EPHB1: variants seen among roughly 807,000 people sequenced by gnomAD.
The protein encoded by EPHB1 is ephrin type-B receptor 1.
In EPHB1, 30 loss-of-function variants were observed where a neutral mutation model predicts 94.4. That is an observed-to-expected ratio of 0.32 (90% CI 0.24 to 0.43). The LOEUF (loss-of-function observed/expected upper bound fraction) is 0.43, where lower values mean the gene tolerates loss of function less well. EPHB1 is among the 20% of genes least tolerant of loss of function. The pLI, the probability that EPHB1 is intolerant of heterozygous loss-of-function variation, is 1.00. For missense variants in EPHB1, 1,055 were observed against 1,308.3 expected (o/e 0.81, Z 2.99); for synonymous variants, 522 against 489.1 (o/e 1.07, Z -0.89).
intron 1 of EPHB1, among the ~76,000 whole-genome samples, chr3:134,916,215 T>C (rs899309631): frequency 6.6e-6 from 1 of 152,178 alleles, no homozygotes; most frequent in African/African-American, 2.4e-5. Context: ...AGAGTGCTGA[T>C]TGGTGTATTT....
intron 4 of EPHB1, among the ~76,000 whole-genome samples, chr3:135,128,397 C>T (rs1461730804): frequency 6.6e-6 from 1 of 152,176 alleles, no homozygotes; most frequent in African/African-American, 2.4e-5. Context: ...ATGCAGACGC[C>T]AAATCTACCC....
intron 3 of EPHB1, among the ~76,000 whole-genome samples, chr3:135,061,690 G>C (rs1001654399): frequency 6.6e-6 from 1 of 151,814 alleles, no homozygotes; most frequent in Non-Finnish European, 1.5e-5. Flanking sequence ...TGGGTGTGCT[G>C]CACCCATTAA....
chr3:135,252,924 G>A (rs1933191123), intron 15 of EPHB1, among the ~76,000 whole-genome samples: 1 of 149,714 alleles, frequency 6.7e-6, no homozygotes, highest in Non-Finnish European at 1.5e-5. Context: ...GGTGTGAGAT[G>A]GTATGTCATT....
chr3:135,104,809 C>T (rs1939151530), intron 3 of EPHB1, among the ~76,000 whole-genome samples: 1 of 152,232 alleles, frequency 6.6e-6, no homozygotes, highest in Non-Finnish European at 1.5e-5. Context: ...TCCAAAATGG[C>T]ACCCCACCCA....
intron 15 of EPHB1, among the ~76,000 whole-genome samples, chr3:135,257,817 T>C (rs1475561223): frequency 1.3e-5 from 2 of 152,158 alleles, no homozygotes; most frequent in Non-Finnish European, 2.9e-5. Context: ...CCAGCCTGGC[T>C]GCTGCCTTGC....
At chr3:135,121,834 C>T (rs183173382) in intron 4 of EPHB1, among the ~76,000 whole-genome samples, 338 of 151,552 alleles carry the variant, frequency 2.2e-3, no homozygotes, top group African/African-American at 7.6e-3. Context: ...TACAGGTGTG[C>T]ACTTGGTCCC....
At chr3:135,023,231 G>A (rs1936040010) in intron 3 of EPHB1, among the ~76,000 whole-genome samples, 1 of 152,200 alleles carries the variant, frequency 6.6e-6, no homozygotes. Flanking sequence ...GTTAACAAGA[G>A]TATGAGATTA....
At chr3:135,191,157 A>T (rs928078797) in intron 10 of EPHB1, among the ~76,000 whole-genome samples, 4 of 152,084 alleles carry the variant, frequency 2.6e-5, no homozygotes, top group African/African-American at 9.7e-5. Context: ...GGGAGGAAGG[A>T]TGGAAGGAAG....
At chr3:135,234,147 A>G (rs971313446) in intron 12 of EPHB1, among the ~76,000 whole-genome samples, 9 of 152,216 alleles carry the variant, frequency 5.9e-5, no homozygotes, top group Non-Finnish European at 1.3e-4. Context: ...CAAATTTTCC[A>G]AACTTTTATG....
chr3:135,036,676 T>A (rs1936657857), intron 3 of EPHB1, among the ~76,000 whole-genome samples: 1 of 152,218 alleles, frequency 6.6e-6, no homozygotes, highest in Non-Finnish European at 1.5e-5. Flanking sequence ...AAGCATGGGA[T>A]AGGTTCCTTA....
intron 4 of EPHB1, among the ~76,000 whole-genome samples, chr3:135,116,313 C>T (rs575680275): frequency 3.2e-4 from 49 of 152,244 alleles, no homozygotes; most frequent in Non-Finnish European, 5.1e-4. Context: ...AAATTCTGAC[C>T]CCATCACTCC....
In EPHB1 at chr3:135,252,305, G is replaced by A. The variant is rs1209271368; in HGVS notation, c.2846+2814G>A. Among the ~76,000 whole-genome samples, 14 of 150,084 alleles carry A rather than the reference G, an allele frequency of 9.3e-5. No homozygotes were observed. In the South Asian group the frequency reaches 1.9e-3, roughly 20 times the overall value. On this transcript the variant is annotated intron_variant, in intron 15 of 15. Coordinates refer to ENST00000398015, the MANE Select transcript of EPHB1 (RefSeq NM_004441.5). The stretch of plus-strand genomic sequence containing the variant: ...ATGTATACATGTGCCATGCTGGTGC[G>A]CTGCACCCACTAACTCGTCATCTAG...
At chr3:134,839,866 C>T (rs1163953841) in intron 1 of EPHB1, among the ~76,000 whole-genome samples, 1 of 152,144 alleles carries the variant, frequency 6.6e-6, no homozygotes, top group Non-Finnish European at 1.5e-5. Flanking sequence ...GTTTAATAAA[C>T]AAGTGAAAGG....
chr3:134,978,772 G>A (rs1444073595), intron 3 of EPHB1, among the ~76,000 whole-genome samples: 14 of 152,216 alleles, frequency 9.2e-5, no homozygotes, highest in Admixed American at 9.2e-4. Context: ...GCTGTGGCAG[G>A]ACAGCCTCCA....
intron 2 of EPHB1, among the ~76,000 whole-genome samples, chr3:134,931,026 C>A (rs1033957626): frequency 1.3e-5 from 2 of 152,196 alleles, no homozygotes; most frequent in African/African-American, 4.8e-5. Context: ...AAATGAATAA[C>A]GATCATTCTT....
intron 10 of EPHB1, among the ~76,000 whole-genome samples, chr3:135,189,590 A>G (rs1332872082): frequency 6.6e-6 from 1 of 152,212 alleles, no homozygotes; most frequent in Admixed American, 6.5e-5. Flanking sequence ...CAGCTTTTAA[A>G]TATGTCAATG....
At chr3:134,834,085 C>A (rs1393727209) in intron 1 of EPHB1, among the ~76,000 whole-genome samples, 3 of 152,002 alleles carry the variant, frequency 2.0e-5, no homozygotes, top group Non-Finnish European at 4.4e-5. Flanking sequence ...ACTAACTAGA[C>A]CAACTAGAGA....
At chr3:135,004,796 G>T in intron 3 of EPHB1, among the ~76,000 whole-genome samples, 1 of 151,838 alleles carries the variant, frequency 6.6e-6, no homozygotes, top group South Asian at 2.1e-4. Flanking sequence ...TCGAGCCTTG[G>T]TTTTCAGCTC....
chr3:135,048,717 G>A (rs948532641), intron 3 of EPHB1, among the ~76,000 whole-genome samples: 1 of 152,194 alleles, frequency 6.6e-6, no homozygotes, highest in Non-Finnish European at 1.5e-5. Context: ...CATGCAGTGG[G>A]CACCATGTTC....
Sources: allele counts gnomAD v4.1 joint callset (sites outside exome capture counted in the v4.1 genomes callset), GRCh38; gene constraint gnomAD v4.1.1; transcripts MANE v1.5; gene names NCBI Gene and HGNC (gene_info 2026-07-23, HGNC 2026-07-21).